Variants in GRM3 observed in about 807,000 individuals in gnomAD.
GRM3 encodes the protein metabotropic glutamate receptor 3.
In GRM3, 26 loss-of-function variants were observed where a neutral mutation model predicts 70.5. The ratio of observed to expected loss-of-function variants is 0.37; its 90% CI spans 0.27 to 0.51. GRM3 has a LOEUF of 0.51. Among genes scored for constraint, GRM3 ranks in the 20% least tolerant of loss-of-function variants. The pLI, the probability that GRM3 is intolerant of heterozygous loss-of-function variation, is 0.93. For missense variants in GRM3, 859 were observed against 1,123.8 expected, an observed-to-expected ratio of 0.76 and a Z score of 3.37; for synonymous variants, 443 against 434.9, an observed-to-expected ratio of 1.02 and a Z score of -0.23.
intron 2 of GRM3, among the ~76,000 whole-genome samples, chr7:86,778,747 G>C (rs1796962631): frequency 6.6e-6 from 1 of 152,132 alleles, no homozygotes; most frequent in Non-Finnish European, 1.5e-5. Flanking sequence ...AACTATGTCA[G>C]TGTAATAAAA....
At chr7:86,681,380 G>A (rs908424770) in intron 1 of GRM3, among the ~76,000 whole-genome samples, 1 of 152,098 alleles carries the variant, frequency 6.6e-6, no homozygotes, top group Non-Finnish European at 1.5e-5. Flanking sequence ...AAGATTAAAA[G>A]ATACTATATC....
chr7:86,810,645 C>T (rs1047560912), intron 3 of GRM3, among the ~76,000 whole-genome samples: 1 of 151,968 alleles, frequency 6.6e-6, no homozygotes, highest in Non-Finnish European at 1.5e-5. Flanking sequence ...AACTTGCATG[C>T]AGCCCAAGTA....
chr7:86,753,677 C>G (rs918252616), intron 1 of GRM3, among the ~76,000 whole-genome samples: 1 of 152,044 alleles, frequency 6.6e-6, no homozygotes, highest in African/African-American at 2.4e-5. Context: ...AAAATTTGAT[C>G]TGCAGTTAGA....
intron 1 of GRM3, among the ~76,000 whole-genome samples, chr7:86,647,489 A>C (rs1223254547): frequency 6.6e-6 from 1 of 152,226 alleles, no homozygotes; most frequent in African/African-American, 2.4e-5. Context: ...GGATTCAGTT[A>C]CGCACACTGG....
At chr7:86,731,435 A>G (rs1161116971) in intron 1 of GRM3, among the ~76,000 whole-genome samples, 1 of 152,180 alleles carries the variant, frequency 6.6e-6, no homozygotes, top group Non-Finnish European at 1.5e-5. Flanking sequence ...GCAAAACTAC[A>G]TAGATCTTGC....
chr7:86,670,575 A>G (rs974527217), intron 1 of GRM3, among the ~76,000 whole-genome samples: 11 of 152,146 alleles, frequency 7.2e-5, no homozygotes, highest in Admixed American at 1.3e-4. Flanking sequence ...TTCAATCCTC[A>G]TATTCACCAT....
chr7:86,780,887 G>A (rs540028918), intron 2 of GRM3, among the ~76,000 whole-genome samples: 20 of 152,228 alleles, frequency 1.3e-4, no homozygotes, highest in African/African-American at 4.6e-4. Context: ...GGAGTTTATG[G>A]CTTCAGAACA....
At chr7:86,655,848 G>A (rs1309185954) in intron 1 of GRM3, among the ~76,000 whole-genome samples, 1 of 134,858 alleles carries the variant, frequency 7.4e-6, no homozygotes, top group Non-Finnish European at 1.6e-5. Context: ...GTGTGTGTGT[G>A]TGTGGGTGGG....
At chr7:86,747,883 T>G (rs1796141767) in intron 1 of GRM3, among the ~76,000 whole-genome samples, 1 of 152,112 alleles carries the variant, frequency 6.6e-6, no homozygotes, top group South Asian at 2.1e-4. Context: ...TACAGAACCC[T>G]TGCTCTGTTA....
intron 1 of GRM3, among the ~76,000 whole-genome samples, chr7:86,687,995 T>A (rs947335503): frequency 2.6e-5 from 4 of 151,670 alleles, no homozygotes; most frequent in Admixed American, 2.6e-4. Context: ...GATAATGTAT[T>A]AATAGCAAGA....
rs151202000 is a variant in GRM3, at chr7:86,805,358, C to T, written c.1324+18242C>T. 1.2e-3 allele frequency among the ~76,000 whole-genome samples: 189 copies of T among 152,262 alleles called. 1 individual carries two copies. Among genetic ancestry groups the T allele is most frequent in the African/African-American group, 4.4e-3 (184 of 41,536 alleles). On this transcript the variant is annotated intron_variant, in intron 3 of 5. Transcript: ENST00000361669. ...AGAGTTCCCACATACTCCTCCCTGACCACATATACACAACCTTCCCACCAT... is the reference window on the plus strand; with the variant it reads ...AGAGTTCCCACATACTCCTCCCTGATCACATATACACAACCTTCCCACCAT...
chr7:86,813,603 C>A (rs557238270), intron 3 of GRM3, among the ~76,000 whole-genome samples: 2 of 151,828 alleles, frequency 1.3e-5, no homozygotes, highest in South Asian at 4.1e-4. Context: ...ATGAGTTAAG[C>A]ACTGAAGGAA....
At chr7:86,690,675 A>T (rs1273823864) in intron 1 of GRM3, among the ~76,000 whole-genome samples, 3 of 152,096 alleles carry the variant, frequency 2.0e-5, no homozygotes, top group South Asian at 2.1e-4. Flanking sequence ...TGGGATTGAG[A>T]GTGCTAGTAG....
rs562118584 is a variant in GRM3 at position 86,824,735 on chromosome 7, C to T, written c.1325-14104C>T. ...GAAGTTTTGGATGTTAACAATGCCC[C>T]ATCTCCTGGTTTTTCAGTAAAAATA... On this transcript the variant is annotated intron_variant, in intron 3 of 5. Coordinates refer to ENST00000361669, the MANE Select transcript of GRM3 (RefSeq NM_000840.3). Among the ~76,000 whole-genome samples the T allele has an allele frequency of 3.3e-5, 5 of 152,244 alleles. No homozygotes were observed. In the East Asian group the frequency reaches 9.7e-4, roughly 29 times the overall value.
chr7:86,797,801 A>C (rs1216179231), intron 3 of GRM3, among the ~76,000 whole-genome samples: 3 of 152,130 alleles, frequency 2.0e-5, no homozygotes, highest in African/African-American at 7.2e-5. Context: ...CCCTCCCATC[A>C]CAACTCAGAA....
intron 3 of GRM3, among the ~76,000 whole-genome samples, chr7:86,835,261 G>A (rs773731703): frequency 5.9e-5 from 9 of 151,696 alleles, no homozygotes; most frequent in Non-Finnish European, 1.0e-4. Context: ...AAAGGTGTAC[G>A]ATATTTTATT....
intron 1 of GRM3, among the ~76,000 whole-genome samples, chr7:86,681,826 AAAT>A (rs1177897615): frequency 6.6e-6 from 1 of 152,218 alleles, no homozygotes; most frequent in Non-Finnish European, 1.5e-5. Context: ...CATTTCAAAG[AAAT>A]AATAACCCAC....
intron 1 of GRM3, among the ~76,000 whole-genome samples, chr7:86,739,062 C>T (rs1795926755): frequency 6.6e-6 from 1 of 152,198 alleles, no homozygotes; most frequent in Non-Finnish European, 1.5e-5. Flanking sequence ...CCTGCAACCT[C>T]TGCCTCCTGG....
At chr7:86,788,864 CT>C (rs1389926918) in intron 3 of GRM3, among the ~76,000 whole-genome samples, 20 of 152,176 alleles carry the variant, frequency 1.3e-4, no homozygotes, top group Non-Finnish European at 2.6e-4. Context: ...TCCTTTCTTA[CT>C]TTTTAGTATG....
Sources: gnomAD v4.1 joint callset for allele counts (sites outside exome capture counted in the v4.1 genomes callset) on GRCh38, gnomAD v4.1.1 for gene constraint, MANE v1.5 for transcripts, NCBI Gene and HGNC (gene_info 2026-07-23, HGNC 2026-07-21) for gene names.